The following TC2N variants were observed in gnomAD, a reference collection of about 807,000 sequenced individuals.
TC2N encodes tandem C2 domains, nuclear.
In TC2N, 51 loss-of-function variants were observed where a neutral mutation model predicts 61.9. The observed-to-expected ratio is 0.82, with a 90% CI of 0.66 to 1.04. The LOEUF is 1.04. Among genes scored for constraint, TC2N ranks in the 50% least tolerant of loss-of-function variants. The probability of loss-of-function intolerance (pLI) is 0.00; values close to 1 mark genes in which losing one functional copy is unlikely to be tolerated. For synonymous variants in TC2N, 204 were observed against 192.6 expected (o/e 1.06, Z -0.49); for missense variants, 556 against 566.7 (o/e 0.98, Z 0.19).
chr14:91,802,363 G>C lies in TC2N; in HGVS notation c.360C>G (p.His120Gln). 1 of 1,612,556 alleles carries C rather than the reference G, an allele frequency of 6.2e-7. No individual in the cohort carries two copies. Among genetic ancestry groups the C allele is most frequent in the African/African-American group, 1.3e-5 (1 of 74,914 alleles). Residue 120 changes from histidine (H) to glutamine (Q), a missense_variant, in exon 4 of 12, where the codon CAC becomes CAG. His to Gln is a conservative substitution (Grantham distance 24). Transcript: ENST00000435962. ...GGTTATACACATCATAGCTAGGTCCGTGCTGGGATGAACTGGAAAGTTCTA... is the reference window on the plus strand; with the variant it reads ...GGTTATACACATCATAGCTAGGTCCCTGCTGGGATGAACTGGAAAGTTCTA... ...RKVELSSSSQHGPSYDVYNPF... is the reference protein window; with the variant it reads ...RKVELSSSSQQGPSYDVYNPF...
At chr14:91,858,759 C>T (rs1224496662) in intron 1 of TC2N, among the ~76,000 whole-genome samples, 1 of 152,114 alleles carries the variant, frequency 6.6e-6, no homozygotes, top group African/African-American at 2.4e-5. Context: ...TTGTCACTCA[C>T]TCAGGAAGTG....
intron 9 of TC2N, among the ~76,000 whole-genome samples, chr14:91,789,334 C>T (rs1288902890): frequency 2.0e-5 from 3 of 151,076 alleles, no homozygotes; most frequent in South Asian, 2.1e-4. Flanking sequence ...CGGTGGCTCA[C>T]GCATGTAATC....
chr14:91,845,232 A>AAAATAAATAAATAAAT lies in TC2N; in HGVS notation c.-57+22014_-57+22029dup, dbSNP rs3030732. 4.1e-4 allele frequency among the ~76,000 whole-genome samples: 60 copies of AAAATAAATAAATAAAT among 147,156 alleles called. 1 individual carries two copies. Among genetic ancestry groups the AAAATAAATAAATAAAT allele is most frequent in the Middle Eastern group, 3.4e-3 (1 of 292 alleles). On this transcript the variant is annotated intron_variant, in intron 1 of 11. Transcript: ENST00000435962. ...AGCAGAGTGAGTGAAACTCCATCTCAAAATAAATAAATAAATAAATAAATA... is the reference window on the plus strand; with the variant it reads ...AGCAGAGTGAGTGAAACTCCATCTCAAAATAAATAAATAAATAAATAAATAAATAAATAAATAAATA...
chr14:91,826,319 G>GAAAA (rs61107451), intron 1 of TC2N, among the ~76,000 whole-genome samples: 2 of 139,986 alleles, frequency 1.4e-5, no homozygotes, highest in African/African-American at 2.6e-5. Flanking sequence ...GACCTTGTCT[G>GAAAA]AAAAAAAAAA....
chr14:91,804,297 C>A (rs938012495), intron 3 of TC2N, among the ~76,000 whole-genome samples: 1 of 151,982 alleles, frequency 6.6e-6, no homozygotes, highest in African/African-American at 2.4e-5. Context: ...CTACTAAAGC[C>A]GAAGATATTT....
Position 91,832,328 on chromosome 14 carries a change from T to A in TC2N, c.-56-18503A>T, listed in dbSNP as rs568688967. 8.1e-5 allele frequency among the ~76,000 whole-genome samples: 12 copies of A among 147,750 alleles called. No individual in the cohort carries two copies. The Admixed American group carries it at 8.2e-4, about 10-fold the overall frequency. On this transcript the variant is annotated intron_variant, in intron 1 of 11. Transcript: ENST00000435962. ...TCGCTTGAACCCGGGAGGCAGAAGT[T>A]GCAGTGAGCCAGGATCATGCCATTG...
Position 91,812,489 on chromosome 14 carries a change from A to C in TC2N, c.124T>G (p.Ser42Ala). The C allele has an allele frequency of 6.2e-7, 1 of 1,610,164 alleles. No homozygotes were observed. The highest frequency in any genetic ancestry group is 8.5e-7 in the Non-Finnish European group (1 of 1,177,310). ...GAAACAGAAGTCAATGGAGGTACAG[A>C]GATAGTAGCATTTTGACTATTTGGG... Reference protein sequence around the residue: ...AVPNSQNATISVPPLTSVSVK... With the variant: ...AVPNSQNATIAVPPLTSVSVK... The change falls in exon 3 of 12, where the codon TCT (serine) becomes GCT (alanine). Residue 42 changes from serine to alanine, a missense_variant. Physicochemically the swap from Ser to Ala is moderately conservative, Grantham distance 99. Transcript: ENST00000435962.
At chr14:91,847,873 A>G (rs141630707) in intron 1 of TC2N, among the ~76,000 whole-genome samples, 2 of 152,358 alleles carry the variant, frequency 1.3e-5, no homozygotes, top group East Asian at 3.9e-4. Flanking sequence ...TTGATTTGCA[A>G]TTCAACCATT....
At chr14:91,851,185 G>A (rs576183451) in intron 1 of TC2N, among the ~76,000 whole-genome samples, 2 of 152,268 alleles carry the variant, frequency 1.3e-5, no homozygotes, top group East Asian at 1.9e-4. Flanking sequence ...TGTCTTCCAC[G>A]AAACTGGTCC....
intron 1 of TC2N, among the ~76,000 whole-genome samples, chr14:91,851,732 C>A (rs2139918666): frequency 6.6e-6 from 1 of 152,322 alleles, no homozygotes; most frequent in African/African-American, 2.4e-5. Context: ...AAGAAGCACA[C>A]TAGCCTGGTG....
chr14:91,858,984 G>A (rs192538997), intron 1 of TC2N, among the ~76,000 whole-genome samples: 5 of 152,278 alleles, frequency 3.3e-5, no homozygotes, highest in African/African-American at 9.6e-5. Flanking sequence ...ACAGCCAAAC[G>A]AAGATGAAAA....
chr14:91,826,359 T>C (rs1175129390), intron 1 of TC2N, among the ~76,000 whole-genome samples: 3 of 151,132 alleles, frequency 2.0e-5, no homozygotes, highest in Non-Finnish European at 2.9e-5. Flanking sequence ...TGTATCTCTA[T>C]TGATTTTTTT....
chr14:91,787,704 C>T (rs2139823083), intron 9 of TC2N, 77 bp from the exon 10 acceptor site: 1 of 816,064 alleles, frequency 1.2e-6, no homozygotes, highest in East Asian at 2.7e-5. Context: ...AGATAAAAAG[C>T]TAAGGTTAGA....
intron 1 of TC2N, among the ~76,000 whole-genome samples, chr14:91,855,765 G>A (rs1301389844): frequency 1.3e-5 from 2 of 152,198 alleles, no homozygotes; most frequent in Admixed American, 6.5e-5. Flanking sequence ...GGCAAGGGAC[G>A]ATTGGATGGT....
chr14:91,849,841 A>C lies in TC2N; in HGVS notation c.-57+17421T>G, dbSNP rs550890557. On this transcript the variant is annotated intron_variant, in intron 1 of 11. Transcript: ENST00000435962. The stretch of plus-strand genomic sequence containing the variant: ...GATGGGTGGATCACCGGAGGTCAGG[A>C]GTTTGAGACCAGCCTGGCCAACATG... Among the ~76,000 whole-genome samples, 634 of 152,278 alleles carry C rather than the reference A, an allele frequency of 4.2e-3. 7 individuals carry two copies. Among genetic ancestry groups the C allele is most frequent in the Non-Finnish European group, 3.2e-3 (215 of 68,034 alleles).
At chr14:91,799,185 G>T in intron 5 of TC2N, 121 bp from the exon 6 acceptor site, 1 of 595,004 alleles carries the variant, frequency 1.7e-6, no homozygotes. Flanking sequence ...CAGTGTTACA[G>T]GTCAGAATTT....
At position 91,802,396 on chromosome 14, in the gene TC2N, A is replaced by C. The variant is rs1886302249; in HGVS notation, c.327T>G (p.Asp109Glu). 7.4e-6 allele frequency: 12 copies of C among 1,612,382 alleles called. No homozygotes were observed. Among genetic ancestry groups the C allele is most frequent in the Non-Finnish European group, 8.5e-6 (10 of 1,179,438 alleles). Residue 109 changes from aspartate to glutamate, a missense_variant, in exon 4 of 12, where the codon GAT (aspartate) becomes GAG (glutamate). Transcript: ENST00000435962. ...LEGSARASFG[D>E]RKVELSSSSQ... The stretch of plus-strand genomic sequence containing the variant: ...ATGAACTGGAAAGTTCTACCTTTCG[A>C]TCTCCAAAAGATGCTCTGGCAGATC...
chr14:91,786,560 A>T (rs567318862), intron 10 of TC2N, among the ~76,000 whole-genome samples: 10 of 151,982 alleles, frequency 6.6e-5, no homozygotes, highest in African/African-American at 2.4e-4. Flanking sequence ...TTTTATTCGG[A>T]TTTTCTTCCT....
chr14:91,825,452 C>T (rs897195599), intron 1 of TC2N, among the ~76,000 whole-genome samples: 4 of 152,046 alleles, frequency 2.6e-5, no homozygotes, highest in Non-Finnish European at 4.4e-5. Context: ...TCTTTTTATC[C>T]CCCCACTGTG....
Sources: gnomAD v4.1 joint callset for allele counts (sites outside exome capture counted in the v4.1 genomes callset) on GRCh38, gnomAD v4.1.1 for gene constraint, MANE v1.5 for transcripts, NCBI Gene and HGNC (gene_info 2026-07-23, HGNC 2026-07-21) for gene names.